Variants in MARK3 observed in about 807,000 individuals in gnomAD.
The protein encoded by MARK3 is MAP/microtubule affinity-regulating kinase 3.
MARK3 carries 46 observed loss-of-function variants against 90.1 expected under a neutral mutation model. The observed-to-expected ratio is 0.51, with a 90% confidence interval of 0.40 to 0.65. The LOEUF is 0.65. Ranked by LOEUF, MARK3 falls within the 30% of genes least tolerant of loss-of-function variation. The pLI is 0.00. For missense variants in MARK3, 818 were observed against 947.2 expected, an observed-to-expected ratio of 0.86 and a Z score of 1.79; for synonymous variants, 321 against 332.6, an observed-to-expected ratio of 0.97 and a Z score of 0.38.
chr14:103,450,197 C>T (rs577778140), intron 4 of MARK3, among the ~76,000 whole-genome samples: 1 of 151,906 alleles, frequency 6.6e-6, no homozygotes, highest in African/African-American at 2.4e-5. Flanking sequence ...GAAAAAACCA[C>T]GGAACAACTT....
chr14:103,490,588 A>G (rs1293011937), intron 14 of MARK3: 1 of 152,308 alleles, frequency 6.6e-6, no homozygotes, highest in African/African-American at 2.4e-5. Context: ...AGAGCATAGC[A>G]TGCTCATATT....
Position 103,448,905 on chromosome 14 carries a change from G to GT in MARK3, c.298-3dup, listed in dbSNP as rs749864596. On this transcript the variant is annotated splice_polypyrimidine_tract_variant and intron_variant, in intron 3 of 17. Transcript: ENST00000429436. ...GTTGGGGGGATTATGTGTTTTGTTT[G>GT]TTTTTTTTTTTAGCTCTTCAGAGAA... 40,271 of 962,178 alleles carry GT rather than the reference G, an allele frequency of 0.042. 2 individuals carry two copies. Among genetic ancestry groups the GT allele is most frequent in the South Asian group, 0.068 (3,466 of 50,704 alleles). The allele number at this position is 962,178 out of a possible 1,614,324, so 59.6% of individuals were successfully genotyped here. A position where few individuals can be genotyped will look rare whatever the true frequency, so the allele number is the denominator to read the frequency against.
intron 6 of MARK3, among the ~76,000 whole-genome samples, chr14:103,458,403 G>A (rs757912202): frequency 2.6e-4 from 34 of 131,508 alleles, no homozygotes; most frequent in Non-Finnish European, 7.7e-5. Flanking sequence ...AAATTGTAGT[G>A]AGCCAAGACC....
chr14:103,500,444 G>A (rs975629382), intron 17 of MARK3, among the ~76,000 whole-genome samples: 4 of 152,192 alleles, frequency 2.6e-5, no homozygotes, highest in Non-Finnish European at 4.4e-5. Context: ...CTGCCTGGGC[G>A]TTAACAGCCT....
intron 1 of MARK3, among the ~76,000 whole-genome samples, chr14:103,390,306 A>T (rs985151907): frequency 6.6e-6 from 1 of 152,160 alleles, no homozygotes; most frequent in Admixed American, 6.5e-5. Flanking sequence ...ACTCAATCTG[A>T]TCCAGTGAGG....
chr14:103,385,827 C>A lies in MARK3; in HGVS notation c.-203C>A. 1 of 464,076 alleles carries A rather than the reference C, an allele frequency of 2.2e-6. No homozygotes were observed. The highest frequency in any genetic ancestry group is 3.8e-6 in the Non-Finnish European group (1 of 263,646). The allele number at this position is 464,076 out of a possible 1,614,324, so 28.7% of individuals were successfully genotyped here. A position where few individuals can be genotyped will look rare whatever the true frequency, so the allele number is the denominator to read the frequency against. On this transcript the variant is annotated 5_prime_UTR_variant, in exon 1 of 18. Transcript: ENST00000429436. ...GGTCTCCTCGCCTCGGCCGCCGAGG[C>A]AGGGAGAGAATGAGCCCCGGGACCC...
chr14:103,426,073 A>G (rs932973489), intron 2 of MARK3, among the ~76,000 whole-genome samples: 17 of 152,154 alleles, frequency 1.1e-4, no homozygotes, highest in Admixed American at 3.3e-4. Context: ...CCGAGTCAAA[A>G]CTATTTTTGT....
intron 15 of MARK3, among the ~76,000 whole-genome samples, chr14:103,497,059 A>T: frequency 6.6e-6 from 1 of 152,354 alleles, no homozygotes; most frequent in East Asian, 1.9e-4. Context: ...ATAAATATTT[A>T]AAAGTAAAAG....
At chr14:103,452,487 T>C (rs980041663) in intron 5 of MARK3, among the ~76,000 whole-genome samples, 3 of 135,000 alleles carry the variant, frequency 2.2e-5, no homozygotes, top group African/African-American at 7.5e-5. Flanking sequence ...TTTTTTTTTT[T>C]TTGAGACGGA....
intron 15 of MARK3, among the ~76,000 whole-genome samples, chr14:103,493,947 T>C (rs906914762): frequency 5.3e-5 from 8 of 151,680 alleles, no homozygotes; most frequent in African/African-American, 1.9e-4. Context: ...TTAAGACTAG[T>C]ATTGGGCTGG....
intron 12 of MARK3, among the ~76,000 whole-genome samples, chr14:103,472,733 C>T (rs538395116): frequency 3.2e-4 from 48 of 150,516 alleles, no homozygotes; most frequent in African/African-American, 1.0e-3. Context: ...ACAGGCTGGG[C>T]GCGGTGGCTC....
chr14:103,460,071 A>ATATTTTTTTTTTT (rs1566882596), intron 6 of MARK3, among the ~76,000 whole-genome samples: 1 of 45,580 alleles, frequency 2.2e-5, no homozygotes, highest in Non-Finnish European at 4.0e-5. Flanking sequence ...TTCCAGCTCC[A>ATATTTTTTTTTTT]TCTTTTTTTT....
intron 2 of MARK3, among the ~76,000 whole-genome samples, chr14:103,426,269 CTTTTT>C (rs61014395): frequency 0.32 from 45,877 of 143,888 alleles, 7,402 homozygotes; most frequent in South Asian, 0.55. Flanking sequence ...TTGTTAAATA[CTTTTT>C]TTTTTTTTTT....
intron 6 of MARK3, 77 bp downstream of exon 6, chr14:103,457,289 C>A: frequency 9.1e-7 from 1 of 1,101,500 alleles, no homozygotes; most frequent in Non-Finnish European, 1.4e-6. Flanking sequence ...AAGTGTTTGC[C>A]TCCATAAATG....
At chr14:103,431,051 C>A (rs1043927861) in intron 3 of MARK3, among the ~76,000 whole-genome samples, 4 of 151,964 alleles carry the variant, frequency 2.6e-5, no homozygotes, top group Admixed American at 1.3e-4. Flanking sequence ...TCTATTCTTA[C>A]GCATCTTTTA....
chr14:103,410,440 C>CA (rs35250309), intron 2 of MARK3, among the ~76,000 whole-genome samples: 1 of 151,790 alleles, frequency 6.6e-6, no homozygotes. Context: ...CACGTATGGA[C>CA]AAAAAAAGGG....
chr14:103,420,234 T>A (rs531685368), intron 2 of MARK3, among the ~76,000 whole-genome samples: 1 of 152,142 alleles, frequency 6.6e-6, no homozygotes, highest in Non-Finnish European at 1.5e-5. Flanking sequence ...TTTGAACATT[T>A]TTTTTTCTTT....
At chr14:103,402,289 A>T (rs769882425) in intron 1 of MARK3, among the ~76,000 whole-genome samples, 2 of 152,212 alleles carry the variant, frequency 1.3e-5, no homozygotes, top group African/African-American at 4.8e-5. Flanking sequence ...GCGGTGGCTC[A>T]TGCCTGTAAT....
At chr14:103,415,120 C>G (rs1315056120) in intron 2 of MARK3, among the ~76,000 whole-genome samples, 1 of 125,782 alleles carries the variant, frequency 8.0e-6, no homozygotes, top group Non-Finnish European at 1.5e-5. Context: ...CCAGTACACT[C>G]CAGCCTGGCA....
Sources: allele counts gnomAD v4.1 joint callset (sites outside exome capture counted in the v4.1 genomes callset), GRCh38; gene constraint gnomAD v4.1.1; transcripts MANE v1.5; gene names NCBI Gene and HGNC (gene_info 2026-07-23, HGNC 2026-07-21).